The following IMMT variants were observed in gnomAD, a reference collection of about 807,000 sequenced individuals.
IMMT encodes inner membrane mitochondrial protein, also known as MICOS complex subunit MIC60.
IMMT carries 40 observed loss-of-function variants against 92.7 expected under a neutral mutation model. The ratio of observed to expected loss-of-function variants is 0.43; its 90% CI spans 0.34 to 0.56. The LOEUF (loss-of-function observed/expected upper bound fraction) is 0.56, where lower values mean the gene tolerates loss of function less well. IMMT is among the 20% of genes least tolerant of loss of function. The probability of loss-of-function intolerance (pLI) is 0.03; values close to 1 mark genes in which losing one functional copy is unlikely to be tolerated. For synonymous variants in IMMT, 322 were observed against 336.1 expected, an observed-to-expected ratio of 0.96 and a Z score of 0.46; for missense variants, 831 against 912.1, an observed-to-expected ratio of 0.91 and a Z score of 1.14.
Position 86,191,182 on chromosome 2 carries a change from A to C in IMMT, c.45+4156T>G, listed in dbSNP as rs545069813. On this transcript the variant is annotated intron_variant, in intron 1 of 14. Transcript: ENST00000410111. Reference sequence around the variant, plus strand: ...GTAATATAGCCTGTCTCTACAGAAAAAAAAATACAAAAGTTAGCTGGGTGT... The same window carrying C: ...GTAATATAGCCTGTCTCTACAGAAACAAAAATACAAAAGTTAGCTGGGTGT... Among the ~76,000 whole-genome samples the C allele has an allele frequency of 7.9e-5, 12 of 151,804 alleles. 1 individual carries two copies. In the South Asian group the frequency reaches 1.7e-3, roughly 21 times the overall value.
rs141493150 is a variant in IMMT at position 86,150,030 on chromosome 2, G to C, written c.1401+1267C>G. Among the ~76,000 whole-genome samples the C allele has an allele frequency of 2.6e-4, 40 of 152,326 alleles. No homozygotes were observed. The East Asian group carries it at 7.3e-3, about 28-fold the overall frequency. The stretch of plus-strand genomic sequence containing the variant: ...GGATCTGTGGGGCAACTGAATATGA[G>C]TTGATGGAGGAACAACAAAGCATGA... On this transcript the variant is annotated intron_variant, in intron 12 of 14. Transcript: ENST00000410111.
intron 3 of IMMT, among the ~76,000 whole-genome samples, chr2:86,175,690 C>T (rs10496318): frequency 2.7e-5 from 4 of 148,306 alleles, no homozygotes; most frequent in African/African-American, 1.0e-4. Flanking sequence ...CAAGTTGACA[C>T]GATGTTTAAC....
chr2:86,154,914 G>A (rs1403647236), intron 10 of IMMT, among the ~76,000 whole-genome samples: 1 of 152,124 alleles, frequency 6.6e-6, no homozygotes, highest in African/African-American at 2.4e-5. Context: ...CCAGGCTGGA[G>A]TGTAGCAGCA....
intron 12 of IMMT, 150 bp from the exon 13 acceptor site, chr2:86,147,983 T>A (rs1221670466): frequency 1.5e-6 from 1 of 676,340 alleles, no homozygotes; most frequent in Non-Finnish European, 2.4e-6. Context: ...CTACTTCTCA[T>A]GTGAAACGGA....
chr2:86,165,945 GCGCTGCATCGGTGTTGTAAGATAT>G (rs1489947990), intron 7 of IMMT, among the ~76,000 whole-genome samples: 3 of 152,174 alleles, frequency 2.0e-5, no homozygotes, highest in African/African-American at 4.8e-5. Context: ...ACTAATTCTT[GCGCTGCATCGGTGTTGTAAGATAT>G]AGTAAAGCAC....
intron 10 of IMMT, among the ~76,000 whole-genome samples, chr2:86,156,247 G>C (rs1675847436): frequency 6.6e-6 from 1 of 152,188 alleles, no homozygotes; most frequent in Non-Finnish European, 1.5e-5. Flanking sequence ...CAAATGTCAT[G>C]TGAGGGACAA....
At position 86,153,304 on chromosome 2, in the gene IMMT, TACACACAC is replaced by T. The variant is rs10572745; in HGVS notation, c.1177+248_1177+255del. ...CAAAGTAATCAGTTACAATCCATATTACACACACACACACACACACACACACACACACA... is the reference window on the plus strand; with the variant it reads ...CAAAGTAATCAGTTACAATCCATATTACACACACACACACACACACACACA... On this transcript the variant is annotated intron_variant, in intron 11 of 14. Transcript: ENST00000410111. Among the ~76,000 whole-genome samples, 468 of 143,928 alleles carry T rather than the reference TACACACAC, an allele frequency of 3.3e-3. 2 individuals are homozygous for T. The highest frequency in any genetic ancestry group is 8.3e-3 in the South Asian group (37 of 4,472). 94.4% of individuals were successfully genotyped at this position (143,928 alleles called of 152,430 possible). A position where few individuals can be genotyped will look rare whatever the true frequency, so the allele number is the denominator to read the frequency against.
At chr2:86,156,170 G>A (rs1450871609) in intron 10 of IMMT, among the ~76,000 whole-genome samples, 1 of 152,060 alleles carries the variant, frequency 6.6e-6, no homozygotes, top group African/African-American at 2.4e-5. Context: ...AGCACGTCTG[G>A]CCTCCACCCA....
At chr2:86,149,873 C>CT (rs983939119) in intron 12 of IMMT, among the ~76,000 whole-genome samples, 17 of 124,162 alleles carry the variant, frequency 1.4e-4, no homozygotes, top group Non-Finnish European at 2.3e-4. Context: ...AAGACAGACT[C>CT]TGTCTCAAAA....
At position 86,195,428 on chromosome 2, in the gene IMMT, C is replaced by A; in HGVS notation, c.-46G>T. On this transcript the variant is annotated 5_prime_UTR_variant, in exon 1 of 15. Coordinates refer to ENST00000410111, the MANE Select transcript of IMMT (RefSeq NM_006839.3). Reference sequence around the variant, plus strand: ...TGCTGGTGGACTCGAGCTGCCGCGGCGGCGCGAGTTAAGTGGAGGCGTGCT... The same window carrying A: ...TGCTGGTGGACTCGAGCTGCCGCGGAGGCGCGAGTTAAGTGGAGGCGTGCT... 1 of 1,539,562 alleles carries A rather than the reference C, an allele frequency of 6.5e-7. No homozygotes were observed. The highest frequency in any genetic ancestry group is 2.5e-5 in the East Asian group (1 of 40,470).
intron 6 of IMMT, 88 bp from the exon 7 acceptor site, chr2:86,166,732 T>C (rs1422764602): frequency 1.8e-5 from 23 of 1,251,744 alleles, no homozygotes; most frequent in East Asian, 2.6e-5. Context: ...TAGTCTTCCA[T>C]TGCATTTCCC....
intron 1 of IMMT, 84 bp from the exon 2 acceptor site, chr2:86,181,456 T>G (rs967001047): frequency 1.2e-6 from 1 of 868,166 alleles, no homozygotes; most frequent in Non-Finnish European, 1.8e-6. Flanking sequence ...AATAATACTT[T>G]TATTAAAAAT....
Position 86,148,472 on chromosome 2 carries a change from T to C in IMMT, c.1402-639A>G, listed in dbSNP as rs1239095394. 3.3e-5 allele frequency among the ~76,000 whole-genome samples: 5 copies of C among 149,446 alleles called. No homozygotes were observed. In the East Asian group the frequency reaches 5.9e-4, roughly 18 times the overall value. The stretch of plus-strand genomic sequence containing the variant: ...AAATACAAAAAAAAAATTAGCCGGG[T>C]GTGGTGGCGGGTGCCTGTAGTCCCA... On this transcript the variant is annotated intron_variant, in intron 12 of 14. Transcript: ENST00000410111.
chr2:86,159,588 G>A lies in IMMT; in HGVS notation c.980C>T (p.Ala327Val). ...TATCATGTTGTGAAGTTTACCCTCT[G>A]CAGCAGTTATATGAGGCTTGGCCCC... ...VAGAKPHITA[A>V]EGKLHNMIVD... is the part of the protein sequence containing the mutation. Residue 327 changes from alanine (A) to valine (V), a missense_variant, in exon 9 of 15, where the codon GCA becomes GTA. Ala to Val is a moderately conservative substitution (Grantham distance 64, BLOSUM62 0). Transcript: ENST00000410111. 6.2e-7 allele frequency: 1 copy of A among 1,605,448 alleles called. No homozygotes were observed. The highest frequency in any genetic ancestry group is 8.5e-7 in the Non-Finnish European group (1 of 1,176,360).
intron 14 of IMMT, 100 bp downstream of exon 14, chr2:86,145,968 G>T (rs1443753089): frequency 3.3e-6 from 3 of 906,398 alleles, no homozygotes; most frequent in African/African-American, 1.7e-5. Flanking sequence ...GTATTTTTAT[G>T]TCCTGATGTC....
intron 3 of IMMT, among the ~76,000 whole-genome samples, chr2:86,179,032 G>A (rs1482661122): frequency 6.6e-6 from 1 of 152,206 alleles, no homozygotes; most frequent in African/African-American, 2.4e-5. Context: ...CTATACTCCA[G>A]CCTGGTTAAC....
chr2:86,153,304 T>TACACACACAC (rs10572745), intron 11 of IMMT, among the ~76,000 whole-genome samples: 7,073 of 143,822 alleles, frequency 0.049, 395 homozygotes, highest in African/African-American at 0.13. Flanking sequence ...CAATCCATAT[T>TACACACACAC]ACACACACAC....
chr2:86,146,383 T>TA (rs550705745), intron 13 of IMMT, among the ~76,000 whole-genome samples, 186 bp from the exon 14 acceptor site: 199 of 152,044 alleles, frequency 1.3e-3, no homozygotes, highest in African/African-American at 4.5e-3. Context: ...ATATTTTTTT[T>TA]TTTTTTGAGA....
At chr2:86,167,201 T>C (rs1676751740) in intron 6 of IMMT, among the ~76,000 whole-genome samples, 1 of 132,062 alleles carries the variant, frequency 7.6e-6, no homozygotes, top group Non-Finnish European at 1.6e-5. Flanking sequence ...AGACAGAGTC[T>C]CGCTCTGTCG....
Sources: allele counts gnomAD v4.1 joint callset (sites outside exome capture counted in the v4.1 genomes callset), GRCh38; gene constraint gnomAD v4.1.1; transcripts MANE v1.5; gene names NCBI Gene and HGNC (gene_info 2026-07-23, HGNC 2026-07-21).